Variants in MAPK10 observed in about 807,000 individuals in gnomAD.
MAPK10 encodes the protein JNK3 alpha protein kinase.
Under a neutral mutation model 59.3 loss-of-function variants are expected in MAPK10, and 25 were observed. That is an observed-to-expected ratio of 0.42 (90% CI 0.31 to 0.59). MAPK10 has a LOEUF of 0.59. Among genes scored for constraint, MAPK10 ranks in the 20% least tolerant of loss-of-function variants. The pLI is 0.15. For missense variants in MAPK10, 351 were observed against 568.9 expected (o/e 0.62, Z 3.90); for synonymous variants, 190 against 200.5 (o/e 0.95, Z 0.44).
chr4:86,350,235 G>C (rs1730527255), intron 2 of MAPK10, among the ~76,000 whole-genome samples: 1 of 146,624 alleles, frequency 6.8e-6, no homozygotes, highest in Non-Finnish European at 1.5e-5. Context: ...TTTTTTTTGA[G>C]ACGGAGTCTC....
At chr4:86,115,508 A>G (rs1217571035) in intron 4 of MAPK10, among the ~76,000 whole-genome samples, 1 of 151,844 alleles carries the variant, frequency 6.6e-6, no homozygotes, top group African/African-American at 2.4e-5. Flanking sequence ...GTTGCCTAGA[A>G]TGGAGTCCAA....
chr4:86,417,315 GT>G (rs997568880), intron 1 of MAPK10, among the ~76,000 whole-genome samples: 11 of 152,096 alleles, frequency 7.2e-5, no homozygotes, highest in Non-Finnish European at 1.3e-4. Context: ...GTATGGCTCA[GT>G]TTTTTTATTG....
chr4:86,232,051 T>C (rs1241931773), intron 2 of MAPK10, among the ~76,000 whole-genome samples: 1 of 152,210 alleles, frequency 6.6e-6, no homozygotes, highest in Non-Finnish European at 1.5e-5. Flanking sequence ...ACATAGTCAA[T>C]ATTTTAGACT....
chr4:86,360,968 A>G (rs920270576), upstream of MAPK10, among the ~76,000 whole-genome samples: 1 of 152,200 alleles, frequency 6.6e-6, no homozygotes, highest in Non-Finnish European at 1.5e-5. Context: ...GACTTCTCAA[A>G]TTACGTAATC....
Position 86,012,497 on chromosome 4 carries a change from A to C in MAPK10, c.*4731T>G, listed in dbSNP as rs1006960932. The C allele has an allele frequency of 6.6e-6, 1 of 152,208 alleles. No homozygotes were observed. The highest frequency in any genetic ancestry group is 1.5e-5 in the Non-Finnish European group (1 of 68,024). 9.4% of individuals were successfully genotyped at this position (152,208 alleles called of 1,614,324 possible). A position where few individuals can be genotyped will look rare whatever the true frequency, so the allele number is the denominator to read the frequency against. On this transcript the variant is annotated 3_prime_UTR_variant, in exon 14 of 14. Transcript: ENST00000641462. Reference sequence around the variant, plus strand: ...TTGGATTTGGTTTTATGTTGAGAGAAGCAGATTTCCTCTGATTTTAATAAT... The same window carrying C: ...TTGGATTTGGTTTTATGTTGAGAGACGCAGATTTCCTCTGATTTTAATAAT...
intron 1 of MAPK10, among the ~76,000 whole-genome samples, chr4:86,508,648 G>A (rs115213632): frequency 6.6e-6 from 1 of 152,168 alleles, no homozygotes; most frequent in African/African-American, 2.4e-5. Flanking sequence ...ATGTGTGTCT[G>A]TAAATGATTT....
chr4:86,312,135 A>G (rs753874625), intron 2 of MAPK10, among the ~76,000 whole-genome samples: 9 of 152,114 alleles, frequency 5.9e-5, no homozygotes, highest in Non-Finnish European at 1.0e-4. Context: ...GTCCAATCCA[A>G]TTGAGGCATC....
At chr4:86,307,660 T>C (rs952422460) in intron 2 of MAPK10, among the ~76,000 whole-genome samples, 6 of 152,240 alleles carry the variant, frequency 3.9e-5, no homozygotes, top group African/African-American at 1.4e-4. Flanking sequence ...CAGAAACATA[T>C]GACTCACATT....
At chr4:86,588,922 T>A (rs1762825204) in intron 1 of MAPK10, among the ~76,000 whole-genome samples, 1 of 152,200 alleles carries the variant, frequency 6.6e-6, no homozygotes, top group Non-Finnish European at 1.5e-5. Context: ...TAAATGTTAT[T>A]AAACAGAAAA....
At chr4:86,093,533 A>G (rs559254674) in intron 9 of MAPK10, among the ~76,000 whole-genome samples, 229 of 152,084 alleles carry the variant, frequency 1.5e-3, no homozygotes, top group Non-Finnish European at 2.9e-3. Flanking sequence ...TAACAAAAGG[A>G]CCTTGTACTA....
intron 1 of MAPK10, among the ~76,000 whole-genome samples, chr4:86,543,626 T>C (rs1188471128): frequency 1.3e-5 from 2 of 152,136 alleles, no homozygotes; most frequent in Admixed American, 6.5e-5. Context: ...TAAGAAAAAC[T>C]TGAATGTTTT....
chr4:86,458,362 C>G (rs1250826285), intron 1 of MAPK10, among the ~76,000 whole-genome samples: 4 of 150,956 alleles, frequency 2.6e-5, no homozygotes, highest in Non-Finnish European at 5.9e-5. Context: ...CTTGGGAGGC[C>G]GAGGCAGGAG....
At chr4:86,180,346 G>A (rs999104693) in intron 3 of MAPK10, among the ~76,000 whole-genome samples, 1 of 151,926 alleles carries the variant, frequency 6.6e-6, no homozygotes, top group Non-Finnish European at 1.5e-5. Context: ...ATGTTGGTGA[G>A]ATATGGAGAA....
At chr4:86,501,626 G>A (rs1755338110) in intron 1 of MAPK10, among the ~76,000 whole-genome samples, 1 of 151,820 alleles carries the variant, frequency 6.6e-6, no homozygotes, top group Non-Finnish European at 1.5e-5. Flanking sequence ...GTTTCAAAGA[G>A]AAGTAATAGT....
intron 2 of MAPK10, among the ~76,000 whole-genome samples, chr4:86,226,659 G>C (rs559407412): frequency 6.6e-6 from 1 of 152,232 alleles, no homozygotes; most frequent in East Asian, 1.9e-4. Context: ...ATTCCAAGAG[G>C]AAGTCATCAC....
chr4:86,390,660 A>T (rs547927173), intron 1 of MAPK10, among the ~76,000 whole-genome samples: 1 of 152,212 alleles, frequency 6.6e-6, no homozygotes, highest in African/African-American at 2.4e-5. Flanking sequence ...GTTGTTGAGG[A>T]TAATAGATAC....
Position 86,098,604 on chromosome 4 carries a change from G to GGA in MAPK10, c.731-11_731-10dup, listed in dbSNP as rs760452691. ...CACAGACCATATATCCACTAGAACA[G>GGA]GAGAGAGAGGGTAGTGAAGAAAAGG... On this transcript the variant is annotated splice_polypyrimidine_tract_variant and intron_variant, in intron 8 of 13. Coordinates refer to ENST00000641462, the MANE Select transcript of MAPK10 (RefSeq NM_138982.4). 2 of 1,597,762 alleles carry GGA rather than the reference G, an allele frequency of 1.3e-6. No individual in the cohort carries two copies. The highest frequency in any genetic ancestry group is 2.7e-5 in the African/African-American group (2 of 74,664).
intron 1 of MAPK10, among the ~76,000 whole-genome samples, chr4:86,504,920 A>T (rs1256919567): frequency 6.6e-6 from 1 of 152,128 alleles, no homozygotes; most frequent in Non-Finnish European, 1.5e-5. Context: ...GTTTGCCTAC[A>T]GTCCCTCTTT....
At chr4:86,391,491 A>AT (rs918761615) in intron 1 of MAPK10, among the ~76,000 whole-genome samples, 1 of 152,158 alleles carries the variant, frequency 6.6e-6, no homozygotes, top group African/African-American at 2.4e-5. Flanking sequence ...GCATTCATGA[A>AT]TTTTTTGTCA....
Sources: gnomAD v4.1 joint callset for allele counts (sites outside exome capture counted in the v4.1 genomes callset) on GRCh38, gnomAD v4.1.1 for gene constraint, MANE v1.5 for transcripts, NCBI Gene and HGNC (gene_info 2026-07-23, HGNC 2026-07-21) for gene names.